TRPS1: variants seen among roughly 807,000 people sequenced by gnomAD.
The protein encoded by TRPS1 is zinc finger transcription factor Trps1.
TRPS1 carries 6 observed loss-of-function variants against 101.2 expected under a neutral mutation model. The ratio of observed to expected loss-of-function variants is 0.06; its 90% CI spans 0.03 to 0.12. The LOEUF is 0.12. Ranked by LOEUF, TRPS1 falls within the 10% of genes least tolerant of loss-of-function variation. The pLI, the probability that TRPS1 is intolerant of heterozygous loss-of-function variation, is 1.00. For synonymous variants in TRPS1, 578 were observed against 589.8 expected (o/e 0.98, Z 0.29); for missense variants, 1,363 against 1,567.0 (o/e 0.87, Z 2.20).
intron 1 of TRPS1, among the ~76,000 whole-genome samples, chr8:115,636,652 G>A (rs1198874080): frequency 1.3e-5 from 2 of 152,128 alleles, no homozygotes; most frequent in Admixed American, 6.5e-5. Context: ...GGTGGCTCAC[G>A]CCTTTAACCC....
chr8:115,568,377 A>G (rs1410602401), intron 5 of TRPS1, among the ~76,000 whole-genome samples: 1 of 152,164 alleles, frequency 6.6e-6, no homozygotes, highest in African/African-American at 2.4e-5. Context: ...TAAATATGAC[A>G]TAATTGTAAA....
chr8:115,437,362 T>C (rs976864704), intron 5 of TRPS1, among the ~76,000 whole-genome samples: 4 of 152,230 alleles, frequency 2.6e-5, no homozygotes, highest in Non-Finnish European at 5.9e-5. Flanking sequence ...ACAATGAGCA[T>C]ACAGGATATG....
chr8:115,592,834 CTT>C (rs1158000652), intron 4 of TRPS1, among the ~76,000 whole-genome samples: 1 of 152,126 alleles, frequency 6.6e-6, no homozygotes, highest in African/African-American at 2.4e-5. Flanking sequence ...CCTGATAATA[CTT>C]TGTATTTCTT....
rs1161916592 is a variant in TRPS1, at chr8:115,533,436, G to GTT, written c.2700+53563_2700+53564dup. Among the ~76,000 whole-genome samples, 181 of 34,958 alleles carry GTT rather than the reference G, an allele frequency of 5.2e-3. 33 individuals are homozygous for GTT. Among genetic ancestry groups the GTT allele is most frequent in the African/African-American group, 0.015 (142 of 9,594 alleles). The allele number at this position is 34,958 out of a possible 152,430, so 22.9% of individuals were successfully genotyped here. A position where few individuals can be genotyped will look rare whatever the true frequency, so the allele number is the denominator to read the frequency against. On this transcript the variant is annotated intron_variant, in intron 5 of 6. Coordinates refer to ENST00000395715, the MANE Select transcript of TRPS1 (RefSeq NM_014112.5). The stretch of plus-strand genomic sequence containing the variant: ...GGGGCCCGCTTCCCACATGTAATCT[G>GTT]TTTTTTTTTTTTTTTTTTTTTTTCC...
intron 1 of TRPS1, among the ~76,000 whole-genome samples, chr8:115,662,747 T>G (rs1586507149): frequency 6.8e-6 from 1 of 147,104 alleles, no homozygotes; most frequent in Non-Finnish European, 1.5e-5. Flanking sequence ...GGTTAAAAAA[T>G]TATCATCTAA....
intron 5 of TRPS1, among the ~76,000 whole-genome samples, chr8:115,511,547 A>G (rs189830153): frequency 1.7e-4 from 26 of 151,910 alleles, no homozygotes; most frequent in Admixed American, 3.9e-4. Flanking sequence ...ATAACAAGCT[A>G]TCAATTTTGG....
At chr8:115,621,603 T>C (rs1382952953) in intron 2 of TRPS1, among the ~76,000 whole-genome samples, 26 of 151,950 alleles carry the variant, frequency 1.7e-4, no homozygotes, top group Admixed American at 1.7e-3. Context: ...ATGTGAAAAA[T>C]AGCATAATGG....
Position 115,414,033 on chromosome 8 carries a change from G to C in TRPS1, c.3875C>G (p.Pro1292Arg), listed in dbSNP as rs1333817737. Reference sequence around the variant, plus strand: ...CTAAGTGCTAAGGTTTTACTCTTTAGGTTTTCCATTTTTTTCCACTTGTGC... The same window carrying C: ...CTAAGTGCTAAGGTTTTACTCTTTACGTTTTCCATTTTTTTCCACTTGTGC... The part of the protein sequence containing the change: ...NNAQVEKNGK[P>R]KE Residue 1292 changes from proline to arginine, a missense_variant, in exon 7 of 7, where the codon CCT becomes CGT. Physicochemically the swap from Pro to Arg is moderately radical, Grantham distance 103. This residue lies in a region of TRPS1 where 307 missense variants were observed against 392.4 expected (regional missense o/e 0.78). Transcript: ENST00000395715. This position sits in a 1 kb window ranked among gnomAD's most constrained non-coding sequence, Gnocchi z 4.8. 6.8e-6 allele frequency: 11 copies of C among 1,613,522 alleles called. No homozygotes were observed. Among genetic ancestry groups the C allele is most frequent in the Non-Finnish European group, 9.3e-6 (11 of 1,179,734 alleles).
At chr8:115,534,075 G>T (rs949007038) in intron 5 of TRPS1, among the ~76,000 whole-genome samples, 1 of 148,174 alleles carries the variant, frequency 6.7e-6, no homozygotes, top group Non-Finnish European at 1.5e-5. Flanking sequence ...ATCTAACCCC[G>T]ATACCATCAC....
chr8:115,549,435 C>A (rs940369643), intron 5 of TRPS1, among the ~76,000 whole-genome samples: 9 of 152,260 alleles, frequency 5.9e-5, no homozygotes, highest in Admixed American at 4.6e-4. Flanking sequence ...ATAAATTCTT[C>A]TAAGCAAAAG....
At chr8:115,556,029 T>A (rs535272427) in intron 5 of TRPS1, among the ~76,000 whole-genome samples, 27 of 151,850 alleles carry the variant, frequency 1.8e-4, no homozygotes, top group African/African-American at 2.9e-4. Context: ...TGAAAAAAAA[T>A]AAAATAAAAT....
chr8:115,467,942 G>A (rs60271817), intron 5 of TRPS1, among the ~76,000 whole-genome samples: 1,764 of 152,178 alleles, frequency 0.012, 36 homozygotes, highest in African/African-American at 0.041. Flanking sequence ...CCTGCTGTAC[G>A]ACATCAATTA....
At chr8:115,420,255 G>A (rs1813020465) in intron 5 of TRPS1, among the ~76,000 whole-genome samples, 1 of 152,126 alleles carries the variant, frequency 6.6e-6, no homozygotes, top group Non-Finnish European at 1.5e-5. Flanking sequence ...TCCCAGTGAA[G>A]GCCTACTGCA....
chr8:115,569,473 A>G (rs1817149739), intron 5 of TRPS1, among the ~76,000 whole-genome samples: 1 of 152,138 alleles, frequency 6.6e-6, no homozygotes, highest in Non-Finnish European at 1.5e-5. Context: ...TTCTAGGCAA[A>G]GAGATTAAGA....
intron 5 of TRPS1, among the ~76,000 whole-genome samples, chr8:115,532,897 A>G (rs941877587): frequency 2.0e-5 from 3 of 152,188 alleles, no homozygotes; most frequent in Non-Finnish European, 2.9e-5. Context: ...AAAGAGGAAC[A>G]TTATCAGATT....
chr8:115,531,429 T>C (rs566943834), intron 5 of TRPS1, among the ~76,000 whole-genome samples: 28 of 152,154 alleles, frequency 1.8e-4, no homozygotes, highest in Non-Finnish European at 4.1e-4. Flanking sequence ...CTGGCAGGAA[T>C]CTTTCAGCTC....
chr8:115,417,951 A>G (rs1433924758), intron 6 of TRPS1, among the ~76,000 whole-genome samples: 1 of 152,206 alleles, frequency 6.6e-6, no homozygotes, highest in African/African-American at 2.4e-5. Flanking sequence ...TATACTGAAC[A>G]TGACCGAGTC....
At chr8:115,592,879 G>GAAAA (rs1349746466) in intron 4 of TRPS1, among the ~76,000 whole-genome samples, 2 of 152,140 alleles carry the variant, frequency 1.3e-5, no homozygotes, top group Non-Finnish European at 2.9e-5. Context: ...TGAGTAGCAA[G>GAAAA]AATCATGCAG....
intron 5 of TRPS1, among the ~76,000 whole-genome samples, chr8:115,508,959 G>A (rs889595788): frequency 3.3e-5 from 5 of 151,782 alleles, no homozygotes; most frequent in African/African-American, 1.2e-4. Flanking sequence ...AAAATGTTTT[G>A]AATTGTGAGT....
Sources: gnomAD v4.1 joint callset for allele counts (sites outside exome capture counted in the v4.1 genomes callset) on GRCh38, gnomAD v4.1.1 for gene constraint, gnomAD v4.1.1 regional missense constraint, Gnocchi (gnomAD v3.1) non-coding constraint, MANE v1.5 for transcripts, NCBI Gene and HGNC (gene_info 2026-07-23, HGNC 2026-07-21) for gene names.